RBFOX1: variants seen among roughly 807,000 people sequenced by gnomAD.
RBFOX1 encodes the protein RNA binding fox-1 homolog 1.
In RBFOX1, 8 loss-of-function variants were observed where a neutral mutation model predicts 57.7. The observed-to-expected ratio is 0.14, with a 90% CI of 0.08 to 0.25. The LOEUF (loss-of-function observed/expected upper bound fraction) is 0.25, where lower values mean the gene tolerates loss of function less well. RBFOX1 is among the 10% of genes least tolerant of loss of function. RBFOX1 has a pLI of 1.00. For missense variants in RBFOX1, 611 were observed against 548.5 expected (o/e 1.11, Z -1.14); for synonymous variants, 326 against 222.4 (o/e 1.47, Z -4.15).
chr16:7,371,845 C>G (rs947157368), intron 4 of RBFOX1, among the ~76,000 whole-genome samples: 2 of 152,200 alleles, frequency 1.3e-5, no homozygotes, highest in African/African-American at 4.8e-5. Context: ...CCACATCAGT[C>G]TAAATGCCCT....
chr16:6,018,216 G>T (rs1438353292), upstream of RBFOX1, among the ~76,000 whole-genome samples: 1 of 151,990 alleles, frequency 6.6e-6, no homozygotes, highest in South Asian at 2.1e-4. Context: ...GAGGAAGGAA[G>T]GGAGGGAGGG....
intron 2 of RBFOX1, among the ~76,000 whole-genome samples, chr16:6,597,023 C>T (rs954541153): frequency 1.3e-5 from 2 of 152,162 alleles, no homozygotes; most frequent in Non-Finnish European, 2.9e-5. Flanking sequence ...TTCTTATCAA[C>T]TTGGTAAAGG....
chr16:7,471,279 T>A (rs535970526), intron 4 of RBFOX1, among the ~76,000 whole-genome samples: 120 of 152,348 alleles, frequency 7.9e-4, no homozygotes, highest in Non-Finnish European at 1.5e-3. Flanking sequence ...TTAGGCTATT[T>A]CCAACAGAAC....
rs905158216 is a variant in RBFOX1, at chr16:6,726,146, T to A, written c.-16+71496T>A. Among the ~76,000 whole-genome samples the A allele has an allele frequency of 2.0e-5, 3 of 152,144 alleles. 1 individual carries two copies. In the East Asian group the frequency reaches 5.8e-4, roughly 29 times the overall value. ...GCCAGGAGGGGGCAGTAAATTTCCT[T>A]TTTTACTGTTATTAAAAATGGATCC... On this transcript the variant is annotated intron_variant, in intron 3 of 15. Transcript: ENST00000550418.
At chr16:6,201,741 C>T (rs1247088214) in intron 1 of RBFOX1, among the ~76,000 whole-genome samples, 4 of 152,088 alleles carry the variant, frequency 2.6e-5, no homozygotes, top group Non-Finnish European at 5.9e-5. Context: ...TTAATTTGAT[C>T]CTTACACATT....
intron 4 of RBFOX1, among the ~76,000 whole-genome samples, chr16:7,087,364 C>T (rs2060149273): frequency 6.6e-6 from 1 of 152,104 alleles, no homozygotes; most frequent in Non-Finnish European, 1.5e-5. Flanking sequence ...GGTGTAGTGC[C>T]TGTCTGTTGA....
chr16:7,384,293 G>C (rs2097841620), intron 4 of RBFOX1, among the ~76,000 whole-genome samples: 1 of 152,016 alleles, frequency 6.6e-6, no homozygotes, highest in Non-Finnish European at 1.5e-5. Flanking sequence ...ATGAAAAGCA[G>C]GGAAAAGGGG....
At chr16:6,415,934 G>T (rs1175692973) in intron 2 of RBFOX1, among the ~76,000 whole-genome samples, 1 of 152,176 alleles carries the variant, frequency 6.6e-6, no homozygotes, top group Non-Finnish European at 1.5e-5. Context: ...GTTTAATCAG[G>T]ATATCAAAAT....
chr16:5,678,212 G>A (rs922060219), intron 3 of RBFOX1, among the ~76,000 whole-genome samples: 1 of 152,166 alleles, frequency 6.6e-6, no homozygotes, highest in Non-Finnish European at 1.5e-5. Flanking sequence ...CACAGATGCA[G>A]GGAGAGTTTA....
chr16:6,425,238 G>T (rs1272469351), intron 2 of RBFOX1, among the ~76,000 whole-genome samples: 2 of 152,286 alleles, frequency 1.3e-5, no homozygotes, highest in African/African-American at 4.8e-5. Flanking sequence ...CAGACAGGAA[G>T]GAGAGTATGG....
chr16:5,573,851 G>T (rs999228992), intron 2 of RBFOX1, among the ~76,000 whole-genome samples: 2 of 152,174 alleles, frequency 1.3e-5, no homozygotes, highest in Non-Finnish European at 2.9e-5. Flanking sequence ...CTACTTGGGA[G>T]GCTGATGTGT....
intron 1 of RBFOX1, among the ~76,000 whole-genome samples, chr16:5,370,828 C>T (rs1289841694): frequency 6.6e-6 from 1 of 151,986 alleles, no homozygotes; most frequent in Admixed American, 6.6e-5. Context: ...AGCAGTTCCA[C>T]CCACCATCCC....
At chr16:7,280,876 A>G (rs954087479) in intron 4 of RBFOX1, among the ~76,000 whole-genome samples, 3 of 151,666 alleles carry the variant, frequency 2.0e-5, no homozygotes, top group African/African-American at 7.3e-5. Context: ...CTATGGCCAT[A>G]TTTGTACTCA....
At chr16:7,056,592 C>T (rs1037413946) in intron 4 of RBFOX1, among the ~76,000 whole-genome samples, 1 of 152,096 alleles carries the variant, frequency 6.6e-6, no homozygotes, top group Non-Finnish European at 1.5e-5. Context: ...TAAAATGATC[C>T]TGGGGGCCTG....
At chr16:7,196,026 T>G (rs1406691002) in intron 4 of RBFOX1, among the ~76,000 whole-genome samples, 1 of 152,064 alleles carries the variant, frequency 6.6e-6, no homozygotes, top group East Asian at 1.9e-4. Context: ...AAAAAAAATG[T>G]GAGTATCATA....
At chr16:7,620,423 A>G (rs1235961116) in intron 10 of RBFOX1, among the ~76,000 whole-genome samples, 1 of 152,240 alleles carries the variant, frequency 6.6e-6, no homozygotes, top group Non-Finnish European at 1.5e-5. Context: ...GTGACACTAT[A>G]GAAATCTCAG....
chr16:7,263,715 G>T (rs1056399218), intron 4 of RBFOX1, among the ~76,000 whole-genome samples: 1 of 151,916 alleles, frequency 6.6e-6, no homozygotes, highest in Admixed American at 6.6e-5. Context: ...GGCTAACATG[G>T]TGAAACCCCA....
chr16:6,572,670 G>A (rs1375655673), intron 2 of RBFOX1, among the ~76,000 whole-genome samples: 6 of 151,706 alleles, frequency 4.0e-5, no homozygotes, highest in East Asian at 3.9e-4. Flanking sequence ...TCAGCTCACC[G>A]CAACCTCTGC....
At chr16:6,251,404 G>C (rs976859861) in intron 1 of RBFOX1, among the ~76,000 whole-genome samples, 1 of 152,170 alleles carries the variant, frequency 6.6e-6, no homozygotes, top group Non-Finnish European at 1.5e-5. Context: ...CACACAGTCA[G>C]TGTGTGGAGG....
Sources: gnomAD v4.1 joint callset for allele counts (sites outside exome capture counted in the v4.1 genomes callset) on GRCh38, gnomAD v4.1.1 for gene constraint, MANE v1.5 for transcripts, NCBI Gene and HGNC (gene_info 2026-07-23, HGNC 2026-07-21) for gene names.